Variants in BRD1 observed in about 807,000 individuals in gnomAD.
The protein encoded by BRD1 is bromodomain containing 1, also known as bromodomain-containing protein 1.
Under a neutral mutation model 107.7 loss-of-function variants are expected in BRD1, and 24 were observed. The observed-to-expected ratio is 0.22, with a 90% confidence interval of 0.16 to 0.31. The LOEUF (loss-of-function observed/expected upper bound fraction) is 0.31. Ranked by LOEUF, BRD1 falls within the 10% of genes least tolerant of loss-of-function variation. The pLI is 1.00. For synonymous variants in BRD1, 744 were observed against 686.1 expected, an observed-to-expected ratio of 1.08 and a Z score of -1.32; for missense variants, 1,279 against 1,638.6, an observed-to-expected ratio of 0.78 and a Z score of 3.79.
intron 3 of BRD1, among the ~76,000 whole-genome samples, chr22:49,802,974 G>T (rs1192861312): frequency 6.6e-6 from 1 of 152,252 alleles, no homozygotes; most frequent in Non-Finnish European, 1.5e-5. Flanking sequence ...TGCCCGGGGA[G>T]CCCCAAGTTC....
In BRD1 at chr22:49,799,092, C is replaced by T; in HGVS notation, c.1552G>A (p.Ala518Thr). The T allele has an allele frequency of 6.2e-7, 1 of 1,609,508 alleles. No individual in the cohort carries two copies. Among genetic ancestry groups the T allele is most frequent in the Non-Finnish European group, 8.5e-7 (1 of 1,179,922 alleles). Residue 518 changes from alanine to threonine, a missense_variant, in exon 4 of 13, where the codon GCC becomes ACC. Coordinates refer to ENST00000404760, the MANE Select transcript of BRD1 (RefSeq NM_001304808.3). ...TGCCAGTACTTCAGCTTCTCTTTGG[C>T]AGCCTTCATCTCCTCATCATTTTCT... ...QRENDEEMKA[A>T]KEKLKYWQRL...
chr22:49,816,212 C>G (rs999447684), intron 2 of BRD1, among the ~76,000 whole-genome samples: 1 of 152,214 alleles, frequency 6.6e-6, no homozygotes, highest in South Asian at 2.1e-4. Context: ...GGGCCGCGGC[C>G]GGTGGCTCTA....
chr22:49,808,530 G>A (rs992535967), intron 2 of BRD1, among the ~76,000 whole-genome samples: 1 of 152,160 alleles, frequency 6.6e-6, no homozygotes, highest in African/African-American at 2.4e-5. Context: ...AGGGAGGAAT[G>A]GGGAGTTCCT....
At chr22:49,799,140 C>G (rs200986220) in intron 3 of BRD1, 21 bp from the exon 4 acceptor site, 3 of 1,598,638 alleles carry the variant, frequency 1.9e-6, no homozygotes, top group Non-Finnish European at 2.6e-6. Context: ...TGAACACTTC[C>G]GTCAGTCAAA....
intron 6 of BRD1, among the ~76,000 whole-genome samples, chr22:49,796,145 T>C (rs1396815007): frequency 6.6e-6 from 1 of 151,726 alleles, no homozygotes; most frequent in Admixed American, 6.6e-5. Flanking sequence ...GGCTGGAGTG[T>C]AGTGGCGTAA....
chr22:49,773,955 C>T lies in BRD1; in HGVS notation c.*278G>A, dbSNP rs935784219. ...ACAAAATTATTAAACATTCAAAAGT[C>T]TTTAAGAAAAAGCTACATATCAAAG... On this transcript the variant is annotated 3_prime_UTR_variant, in exon 13 of 13. Transcript: ENST00000404760. 2.5e-5 allele frequency: 8 copies of T among 314,612 alleles called. No individual in the cohort carries two copies. Among genetic ancestry groups the T allele is most frequent in the Non-Finnish European group, 4.1e-5 (7 of 172,558 alleles). The allele number at this position is 314,612 out of a possible 1,614,324, so 19.5% of individuals were successfully genotyped here.
At chr22:49,798,229 C>T (rs2059571595) in intron 5 of BRD1, 112 bp from the exon 6 acceptor site, 1 of 1,110,926 alleles carries the variant, frequency 9.0e-7, no homozygotes, top group Non-Finnish European at 1.3e-6. Flanking sequence ...GAGCCACACA[C>T]AGACACGCAG....
rs974835511 is a variant in BRD1, at chr22:49,787,775, C to T, written c.2472G>A (p.Gln824=). Residue 824 remains glutamine (Q), a synonymous_variant, in exon 8 of 13, where the codon CAG becomes CAA. Transcript: ENST00000404760. ...ATGTGACTCTTTTGAAAAGTTTACT[C>T]TGCTCTGGGTTGAGTTCTACTGGTT... ...TLKPVELNPE[Q]SKLFKRVTFD... is the part of the protein sequence containing the mutation. The T allele has an allele frequency of 6.4e-7, 1 of 1,550,914 alleles. No homozygotes were observed. Among genetic ancestry groups the T allele is most frequent in the East Asian group, 2.4e-5 (1 of 40,924 alleles).
intron 2 of BRD1, among the ~76,000 whole-genome samples, chr22:49,815,680 G>A (rs987679590): frequency 3.9e-5 from 6 of 152,184 alleles, no homozygotes; most frequent in African/African-American, 1.4e-4. Flanking sequence ...CTAAAACCCA[G>A]AAAACCAACA....
At position 49,827,828 on chromosome 22, in the gene BRD1, T is replaced by C. The variant is rs528782813; in HGVS notation, c.-346A>G. 0.083 allele frequency among the ~76,000 whole-genome samples: 11,938 copies of C among 143,704 alleles called. 598 individuals carry two copies. Among genetic ancestry groups the C allele is most frequent in the South Asian group, 0.17 (800 of 4,650 alleles). 94.3% of individuals were successfully genotyped at this position (143,704 alleles called of 152,430 possible). A position where few individuals can be genotyped will look rare whatever the true frequency, so the allele number is the denominator to read the frequency against. On this transcript the variant is annotated 5_prime_UTR_variant, in exon 1 of 13. Coordinates refer to ENST00000404760, the MANE Select transcript of BRD1 (RefSeq NM_001304808.3). ...CGCGGGACGCGGGGCTGGCTCGGAC[T>C]CCAGGGCCGGGTCGCTCGCTCGCTC...
In BRD1 at chr22:49,823,442, C is replaced by A; in HGVS notation, c.876G>T (p.Val292=). The stretch of plus-strand genomic sequence containing the variant: ...CCTCTGGGATCCACAGGGCACACAC[C>A]ACGTGACCCCAGCGGTCGTCATCTG... ...KKTDDDRWGH[V]VCALWIPEVG... is the part of the protein sequence containing the mutation. Residue 292 remains valine, a synonymous_variant, in exon 2 of 13, where the codon GTG becomes GTT. Coordinates refer to ENST00000404760, the MANE Select transcript of BRD1 (RefSeq NM_001304808.3). 6.2e-7 allele frequency: 1 copy of A among 1,611,526 alleles called. No homozygotes were observed. Among genetic ancestry groups the A allele is most frequent in the Non-Finnish European group, 8.5e-7 (1 of 1,180,010 alleles).
chr22:49,797,884 G>C lies in BRD1; in HGVS notation c.2019C>G (p.Ile673Met). ...GCATCCCCGAGGCCTCTTCCAAGCC[G>C]ATGCTGTCCACCTCGCGCCGGGCCT... ...LRQARREVDS[I>M]GLEEASGMHL... The change falls in exon 6 of 13, where the codon ATC (isoleucine) becomes ATG (methionine). Residue 673 changes from isoleucine to methionine, a missense_variant. Physicochemically the swap from Ile to Met is conservative, Grantham distance 10 (BLOSUM62 1). Coordinates refer to ENST00000404760, the MANE Select transcript of BRD1 (RefSeq NM_001304808.3). The C allele has an allele frequency of 6.2e-7, 1 of 1,613,902 alleles. No homozygotes were observed. The highest frequency in any genetic ancestry group is 1.1e-5 in the South Asian group (1 of 91,088).
rs1418343341 is a variant in BRD1, at chr22:49,823,796, C to T, written c.522G>A (p.Lys174=). The change falls in exon 2 of 13, where the codon AAG becomes AAA. Residue 174 remains lysine, a synonymous_variant. Coordinates refer to ENST00000404760, the MANE Select transcript of BRD1 (RefSeq NM_001304808.3). ...AWLEIVNEKR[K]GDCVPAVSQS... ...GCGACACGGCGGGGACGCAGTCGCC[C>T]TTGCGCTTCTCATTGACGATCTCCA... The T allele has an allele frequency of 2.5e-6, 4 of 1,614,150 alleles. No homozygotes were observed. In the South Asian group the frequency reaches 4.4e-5, roughly 18 times the overall value.
In BRD1 at chr22:49,774,235, A is replaced by G; in HGVS notation, c.3568T>C (p.Ter1190ArgextTer11). Residue 1190 changes from the stop codon to arginine, a stop_lost, in exon 13 of 13, where the codon TGA (stop) becomes CGA (arginine). Coordinates refer to ENST00000404760, the MANE Select transcript of BRD1 (RefSeq NM_001304808.3). ...GACCCGCGCTGGCGGCCGGGCCGTC[A>G]GTCAATGTCACTGAGGTCGCTGGTC... ...EPTSDLSDID[*>R] 6.2e-7 allele frequency: 1 copy of G among 1,612,132 alleles called. No individual in the cohort carries two copies. The highest frequency in any genetic ancestry group is 2.2e-5 in the East Asian group (1 of 44,806).
chr22:49,797,702 T>C (rs1415959208), intron 6 of BRD1, 103 bp downstream of exon 6: 6 of 1,208,994 alleles, frequency 5.0e-6, no homozygotes, highest in Non-Finnish European at 6.7e-6. Flanking sequence ...TGCATGCTAG[T>C]GGCTCCCGGA....
At chr22:49,789,309 G>A (rs926297545) in intron 7 of BRD1, among the ~76,000 whole-genome samples, 3 of 152,214 alleles carry the variant, frequency 2.0e-5, no homozygotes, top group Admixed American at 6.5e-5. Flanking sequence ...AACACTGGCC[G>A]GAGGGAACTG....
chr22:49,784,520 C>T (rs115205644), intron 8 of BRD1, among the ~76,000 whole-genome samples: 370 of 152,348 alleles, frequency 2.4e-3, no homozygotes, highest in African/African-American at 7.8e-3. Flanking sequence ...ACAGCCGGCC[C>T]GCGGGCGACA....
At chr22:49,774,839 G>C (rs981771015) in intron 12 of BRD1, among the ~76,000 whole-genome samples, 1 of 152,258 alleles carries the variant, frequency 6.6e-6, no homozygotes, top group African/African-American at 2.4e-5. Context: ...CGTGGCCAAA[G>C]AGGCAGAGGT....
chr22:49,775,835 CCCAG>C, intron 11 of BRD1, 90 bp from the exon 12 acceptor site: 2 of 1,344,862 alleles, frequency 1.5e-6, no homozygotes, highest in Non-Finnish European at 2.0e-6. Context: ...GCCTCCCCAC[CCCAG>C]CTGTGTGAGC....
Sources: allele counts gnomAD v4.1 joint callset (sites outside exome capture counted in the v4.1 genomes callset), GRCh38; gene constraint gnomAD v4.1.1; transcripts MANE v1.5; gene names NCBI Gene and HGNC (gene_info 2026-07-23, HGNC 2026-07-21).